Variants in FBXO4 observed in about 807,000 individuals in gnomAD.
FBXO4 encodes the protein F-box only protein 4.
In FBXO4, 36 loss-of-function variants were observed where a neutral mutation model predicts 43.7. The ratio of observed to expected loss-of-function variants is 0.82; its 90% CI spans 0.63 to 1.09. The LOEUF is 1.09. FBXO4 is among the 50% of genes least tolerant of loss of function. The probability of loss-of-function intolerance (pLI) is 0.00; values close to 1 mark genes in which losing one functional copy is unlikely to be tolerated. For synonymous variants in FBXO4, 180 were observed against 165.6 expected, an observed-to-expected ratio of 1.09 and a Z score of -0.67; for missense variants, 435 against 474.1, an observed-to-expected ratio of 0.92 and a Z score of 0.77.
chr5:42,033,630 G>GT, the FBXO4 span, among the ~76,000 whole-genome samples: 120 of 152,140 alleles, frequency 7.9e-4, no homozygotes, highest in East Asian at 0.02. Flanking sequence ...AACATGCAGT[G>GT]TTTTGTTTTC....
the FBXO4 span, among the ~76,000 whole-genome samples, chr5:41,976,976 A>G: frequency 1.3e-5 from 2 of 152,096 alleles, no homozygotes; most frequent in African/African-American, 4.8e-5. Flanking sequence ...CACTATATGG[A>G]AGCTAGTAAA....
chr5:41,965,077 G>C, the FBXO4 span, among the ~76,000 whole-genome samples: 2 of 152,164 alleles, frequency 1.3e-5, no homozygotes, highest in Non-Finnish European at 2.9e-5. Flanking sequence ...GTAAGGAAGG[G>C]ATCCAGTTTC....
chr5:42,021,938 G>A, the FBXO4 span, among the ~76,000 whole-genome samples: 3 of 152,136 alleles, frequency 2.0e-5, no homozygotes, highest in East Asian at 3.8e-4. Flanking sequence ...AATTACTCCT[G>A]TTGATGGTGA....
chr5:41,983,067 C>T, the FBXO4 span, among the ~76,000 whole-genome samples: 2 of 152,266 alleles, frequency 1.3e-5, no homozygotes, highest in South Asian at 4.2e-4. Flanking sequence ...TTTATGGCTG[C>T]ATAGTACTCC....
chr5:41,928,884 T>C (rs1245856423), intron 2 of FBXO4, among the ~76,000 whole-genome samples: 1 of 152,258 alleles, frequency 6.6e-6, no homozygotes, highest in African/African-American at 2.4e-5. Flanking sequence ...TGGGCAACTT[T>C]TAATTTTTGA....
the FBXO4 span, among the ~76,000 whole-genome samples, chr5:42,036,942 G>T: frequency 7.9e-5 from 12 of 152,016 alleles, no homozygotes; most frequent in Admixed American, 2.6e-4. Context: ...CTAAAGAAAG[G>T]CTAATCCCAT....
At chr5:41,932,665 G>A (rs1481670357) in intron 3 of FBXO4, among the ~76,000 whole-genome samples, 2 of 152,172 alleles carry the variant, frequency 1.3e-5, no homozygotes, top group Non-Finnish European at 2.9e-5. Flanking sequence ...TCCAACTGAT[G>A]TCAGAGGAAA....
the FBXO4 span, among the ~76,000 whole-genome samples, chr5:41,984,184 T>A: frequency 6.6e-6 from 1 of 152,210 alleles, no homozygotes; most frequent in Non-Finnish European, 1.5e-5. Context: ...TTTCTAACAA[T>A]CAGCTTCCTG....
At chr5:42,001,066 G>C in the FBXO4 span, among the ~76,000 whole-genome samples, 1 of 152,106 alleles carries the variant, frequency 6.6e-6, no homozygotes, top group Non-Finnish European at 1.5e-5. Flanking sequence ...AGGCTCTTTT[G>C]TGTTTCCATA....
chr5:41,945,311 G>C (rs1193952231), downstream of FBXO4, among the ~76,000 whole-genome samples: 1 of 152,014 alleles, frequency 6.6e-6, no homozygotes, highest in Admixed American at 6.6e-5. Context: ...GTAGATGCTT[G>C]GTAAATATTT....
At chr5:41,927,563 C>T (rs1048245845) in intron 2 of FBXO4, among the ~76,000 whole-genome samples, 2 of 151,926 alleles carry the variant, frequency 1.3e-5, no homozygotes, top group East Asian at 1.9e-4. Context: ...AATACTTTTC[C>T]GTATTCAGAA....
chr5:41,941,407 A>G lies in FBXO4; in HGVS notation c.*126A>G, dbSNP rs1752002332. 2 of 622,616 alleles carry G rather than the reference A, an allele frequency of 3.2e-6. No homozygotes were observed. The highest frequency in any genetic ancestry group is 5.7e-6 in the Non-Finnish European group (2 of 351,418). 38.6% of individuals were successfully genotyped at this position (622,616 alleles called of 1,614,324 possible). Reference sequence around the variant, plus strand: ...CAGATAGGCTTTCATTTGGACAGCTATAACTGCTGTGTTTTTTATATTATT... The same window carrying G: ...CAGATAGGCTTTCATTTGGACAGCTGTAACTGCTGTGTTTTTTATATTATT... On this transcript the variant is annotated 3_prime_UTR_variant, in exon 7 of 7. Transcript: ENST00000281623.
At chr5:41,966,902 C>G in the FBXO4 span, among the ~76,000 whole-genome samples, 1 of 152,120 alleles carries the variant, frequency 6.6e-6, no homozygotes, top group Non-Finnish European at 1.5e-5. Context: ...CCATGTTAGT[C>G]ACAAGGTTAA....
At chr5:42,022,845 GAGA>G in the FBXO4 span, among the ~76,000 whole-genome samples, 137 of 152,138 alleles carry the variant, frequency 9.0e-4, no homozygotes, top group African/African-American at 3.2e-3. Context: ...AGGGAGAAAA[GAGA>G]AGCTCAGATT....
chr5:41,998,066 A>G, the FBXO4 span, among the ~76,000 whole-genome samples: 1 of 152,178 alleles, frequency 6.6e-6, no homozygotes, highest in Non-Finnish European at 1.5e-5. Flanking sequence ...TTCTAGGAAC[A>G]CTGTAATTAA....
chr5:41,945,134 C>A (rs1009692684), downstream of FBXO4, among the ~76,000 whole-genome samples: 3 of 152,132 alleles, frequency 2.0e-5, no homozygotes, highest in African/African-American at 7.2e-5. Flanking sequence ...AGCACAATTT[C>A]TAATTTATGG....
intron 5 of FBXO4, among the ~76,000 whole-genome samples, chr5:41,938,183 A>G (rs148365714): frequency 6.6e-6 from 1 of 152,324 alleles, no homozygotes; most frequent in African/African-American, 2.4e-5. Context: ...TTATACATGT[A>G]TGACATTTTA....
At chr5:41,967,588 C>T in the FBXO4 span, 64 of 1,113,588 alleles carry the variant, frequency 5.7e-5, no homozygotes, top group East Asian at 1.7e-3. Flanking sequence ...CATTTTTTGA[C>T]CTTCCAGCCA....
At chr5:42,040,124 A>G in the FBXO4 span, among the ~76,000 whole-genome samples, 1 of 152,048 alleles carries the variant, frequency 6.6e-6, no homozygotes, top group African/African-American at 2.4e-5. Flanking sequence ...ATAATTTGAT[A>G]CCTAGCAGCA....
Sources: gnomAD v4.1 joint callset for allele counts (sites outside exome capture counted in the v4.1 genomes callset) on GRCh38, gnomAD v4.1.1 for gene constraint, MANE v1.5 for transcripts, NCBI Gene and HGNC (gene_info 2026-07-23, HGNC 2026-07-21) for gene names.